SNX10: variants seen among roughly 807,000 people sequenced by gnomAD.
SNX10 encodes the protein sorting nexin 10, also known as sorting nexin-10.
Under a neutral mutation model 28.5 loss-of-function variants are expected in SNX10, and 25 were observed. That is an observed-to-expected ratio of 0.88 (90% CI 0.64 to 1.22). The LOEUF is 1.22. Ranked by LOEUF, SNX10 falls within the 50% of genes most tolerant of loss-of-function variation. SNX10 has a pLI of 0.00. For synonymous variants in SNX10, 62 were observed against 81.4 expected (o/e 0.76, Z 1.28); for missense variants, 223 against 242.6 (o/e 0.92, Z 0.54).
rs146674054 is a variant in SNX10 at position 26,355,768 on chromosome 7, T to G, written c.25-5207T>G. Among the ~76,000 whole-genome samples the G allele has an allele frequency of 3.4e-3, 519 of 152,350 alleles. 2 individuals carry two copies. Among genetic ancestry groups the G allele is most frequent in the Non-Finnish European group, 6.0e-3 (406 of 68,034 alleles). ...TTGGAAATTGCCTAATATTTATTAT[T>G]AGTAAAAGAATCACGAGATAGAACA... On this transcript the variant is annotated intron_variant, in intron 2 of 6. Transcript: ENST00000338523.
chr7:26,308,371 G>A (rs768445434), intron 1 of SNX10, among the ~76,000 whole-genome samples: 19 of 152,296 alleles, frequency 1.2e-4, no homozygotes, highest in South Asian at 2.1e-4. Context: ...TGCACCAAGC[G>A]GCCCAGAAGA....
chr7:26,346,781 G>A (rs1469052519), intron 2 of SNX10, among the ~76,000 whole-genome samples: 4 of 152,196 alleles, frequency 2.6e-5, no homozygotes, highest in Non-Finnish European at 5.9e-5. Context: ...TTACTCCATT[G>A]ACTCATCCCT....
chr7:26,296,880 T>C (rs1264464965), intron 1 of SNX10, among the ~76,000 whole-genome samples: 2 of 152,134 alleles, frequency 1.3e-5, no homozygotes, highest in Non-Finnish European at 2.9e-5. Flanking sequence ...TTTGGGACTA[T>C]GAATAGAAAG....
intron 2 of SNX10, among the ~76,000 whole-genome samples, chr7:26,353,488 G>A (rs1402487161): frequency 8.1e-6 from 1 of 123,252 alleles, no homozygotes; most frequent in East Asian, 2.4e-4. Context: ...TTGGTCTGTC[G>A]GCCAGGCTGG....
At chr7:26,317,003 C>T (rs1200255686) in intron 1 of SNX10, among the ~76,000 whole-genome samples, 1 of 152,286 alleles carries the variant, frequency 6.6e-6, no homozygotes, top group African/African-American at 2.4e-5. Context: ...GTATGCGTTA[C>T]ATACCTGATA....
chr7:26,337,212 C>T (rs1290176531), intron 1 of SNX10, among the ~76,000 whole-genome samples: 3 of 149,926 alleles, frequency 2.0e-5, no homozygotes, highest in African/African-American at 7.3e-5. Flanking sequence ...AGATTATTGA[C>T]CTTCTTTCAA....
At chr7:26,345,515 G>T (rs1340062150) in intron 1 of SNX10, among the ~76,000 whole-genome samples, 5 of 152,122 alleles carry the variant, frequency 3.3e-5, no homozygotes, top group Non-Finnish European at 7.4e-5. Context: ...AGGCCCTGTG[G>T]GGTCTCTCGT....
intron 1 of SNX10, among the ~76,000 whole-genome samples, chr7:26,335,358 TAAAG>T (rs1429027675): frequency 6.6e-6 from 1 of 152,196 alleles, no homozygotes; most frequent in Non-Finnish European, 1.5e-5. Context: ...CCTCCATTCT[TAAAG>T]AACCACCAAA....
At chr7:26,328,492 C>T (rs967924410) in intron 1 of SNX10, among the ~76,000 whole-genome samples, 2 of 152,076 alleles carry the variant, frequency 1.3e-5, no homozygotes, top group African/African-American at 2.4e-5. Flanking sequence ...ATTCTGGACA[C>T]CTTTGTACAT....
chr7:26,364,741 C>A lies in SNX10; in HGVS notation c.212+106C>A, dbSNP rs981570154. Reference sequence around the variant, plus strand: ...TATGAAGGATTTTTATAGGCTTTTGCCTTGATTACAATATGTAGCTTTAGT... The same window carrying A: ...TATGAAGGATTTTTATAGGCTTTTGACTTGATTACAATATGTAGCTTTAGT... On this transcript the variant is annotated intron_variant, in intron 4 of 6. Coordinates refer to ENST00000338523, the MANE Select transcript of SNX10 (RefSeq NM_013322.3). The surrounding 1 kb of genome is among the most constrained non-coding windows in gnomAD (Gnocchi z 4.9). 5.1e-6 allele frequency: 4 copies of A among 782,278 alleles called. No individual in the cohort carries two copies. The highest frequency in any genetic ancestry group is 2.7e-5 in the East Asian group (1 of 37,254). The allele number at this position is 782,278 out of a possible 1,614,324, so 48.5% of individuals were successfully genotyped here.
In SNX10 at chr7:26,358,805, G is replaced by GTTTTTTTTTTTTTT. The variant is rs35527687; in HGVS notation, c.25-2164_25-2151dup. Among the ~76,000 whole-genome samples, 106 of 100,096 alleles carry GTTTTTTTTTTTTTT rather than the reference G, an allele frequency of 1.1e-3. 13 individuals are homozygous for GTTTTTTTTTTTTTT. Among genetic ancestry groups the GTTTTTTTTTTTTTT allele is most frequent in the African/African-American group, 3.9e-3 (88 of 22,682 alleles). 65.7% of individuals were successfully genotyped at this position (100,096 alleles called of 152,430 possible). ...GAGCATCACTATAGTGTTATCTTGTGTTTTTTTTTTTTTTTTTTTGACCAA... is the reference window on the plus strand; with the variant it reads ...GAGCATCACTATAGTGTTATCTTGTGTTTTTTTTTTTTTTTTTTTTTTTTTTTTTTTTTGACCAA... On this transcript the variant is annotated intron_variant, in intron 2 of 6. Transcript: ENST00000338523.
chr7:26,358,805 G>GGTTTTTTTTTTTTT (rs1554360945), intron 2 of SNX10, among the ~76,000 whole-genome samples: 1 of 100,112 alleles, frequency 1.0e-5, no homozygotes, highest in African/African-American at 4.4e-5. Flanking sequence ...GTTATCTTGT[G>GGTTTTTTTTTTTTT]TTTTTTTTTT....
chr7:26,344,606 C>T (rs533013670), intron 1 of SNX10, among the ~76,000 whole-genome samples: 6 of 152,304 alleles, frequency 3.9e-5, no homozygotes, highest in Admixed American at 6.5e-5. Flanking sequence ...TCCTATCACA[C>T]GGTGTCCTTT....
intron 2 of SNX10, among the ~76,000 whole-genome samples, chr7:26,348,475 A>G (rs545669249): frequency 1.3e-5 from 2 of 152,362 alleles, no homozygotes; most frequent in African/African-American, 4.8e-5. Flanking sequence ...GAGAAAGAAC[A>G]CAAACGAGAA....
intron 1 of SNX10, among the ~76,000 whole-genome samples, chr7:26,334,490 A>G (rs1787851368): frequency 6.6e-6 from 1 of 152,244 alleles, no homozygotes; most frequent in African/African-American, 2.4e-5. Context: ...ACATGCAGGT[A>G]TGTTCTCAGT....
intron 1 of SNX10, among the ~76,000 whole-genome samples, chr7:26,326,201 T>A (rs1052437147): frequency 1.9e-4 from 29 of 152,206 alleles, no homozygotes; most frequent in African/African-American, 6.8e-4. Context: ...CTTGCTTTTT[T>A]AGTTTTTCTA....
intron 2 of SNX10, among the ~76,000 whole-genome samples, chr7:26,347,831 C>G (rs1361134456): frequency 6.6e-6 from 1 of 152,080 alleles, no homozygotes; most frequent in Non-Finnish European, 1.5e-5. Context: ...GCCTGGGTGA[C>G]AAAGCGAGAC....
chr7:26,303,090 T>G (rs1786439779), intron 1 of SNX10, among the ~76,000 whole-genome samples: 1 of 152,210 alleles, frequency 6.6e-6, no homozygotes, highest in Non-Finnish European at 1.5e-5. Flanking sequence ...CTACTAAGAA[T>G]TAGAATGCGT....
intron 2 of SNX10, among the ~76,000 whole-genome samples, chr7:26,349,638 T>A (rs1337147451): frequency 2.6e-5 from 4 of 152,204 alleles, no homozygotes; most frequent in Non-Finnish European, 5.9e-5. Context: ...TGGTTACATA[T>A]TTTAATAAGA....
Sources: gnomAD v4.1 joint callset for allele counts (sites outside exome capture counted in the v4.1 genomes callset) on GRCh38, gnomAD v4.1.1 for gene constraint, Gnocchi (gnomAD v3.1) non-coding constraint, MANE v1.5 for transcripts, NCBI Gene and HGNC (gene_info 2026-07-23, HGNC 2026-07-21) for gene names.